Variants in ALS2CL observed in about 807,000 individuals in gnomAD.
ALS2CL encodes ALS2 C-terminal-like protein.
Under a neutral mutation model 127.9 loss-of-function variants are expected in ALS2CL, and 112 were observed. The ratio of observed to expected loss-of-function variants is 0.88; its 90% CI spans 0.75 to 1.02. ALS2CL has a LOEUF of 1.02. Ranked by LOEUF, ALS2CL falls within the 50% of genes least tolerant of loss-of-function variation. The pLI, the probability that ALS2CL is intolerant of heterozygous loss-of-function variation, is 0.00. For synonymous variants in ALS2CL, 519 were observed against 527.6 expected (o/e 0.98, Z 0.22); for missense variants, 1,174 against 1,236.7 (o/e 0.95, Z 0.76).
intron 17 of ALS2CL, 37 bp from the exon 18 acceptor site, chr3:46,676,775 G>C: frequency 6.2e-7 from 1 of 1,612,480 alleles, no homozygotes. Flanking sequence ...CCCACACCTC[G>C]GCCCAGCCCC....
Position 46,686,901 on chromosome 3 carries a change from A to G in ALS2CL, c.534+82T>C, listed in dbSNP as rs1375376045. 35 of 1,391,694 alleles carry G rather than the reference A, an allele frequency of 2.5e-5. No homozygotes were observed. The highest frequency in any genetic ancestry group is 3.1e-5 in the Non-Finnish European group (33 of 1,061,880). The allele number at this position is 1,391,694 out of a possible 1,614,324, so 86.2% of individuals were successfully genotyped here. Reference sequence around the variant, plus strand: ...AGTCCTTCTTGTACTAGGGTTCCTGAGTATAGGCTGAGCCCCCTGAGTCTG... The same window carrying G: ...AGTCCTTCTTGTACTAGGGTTCCTGGGTATAGGCTGAGCCCCCTGAGTCTG... On this transcript the variant is annotated intron_variant, in intron 5 of 25. Transcript: ENST00000318962. The surrounding 1 kb of genome is among the most constrained non-coding windows in gnomAD (Gnocchi z 4.3).
chr3:46,689,206 C>T, intron 2 of ALS2CL, 132 bp downstream of exon 2: 1 of 888,876 alleles, frequency 1.1e-6, no homozygotes, highest in Non-Finnish European at 1.8e-6. Context: ...TCAGAAGATG[C>T]TGATACCAGG....
intron 24 of ALS2CL, 126 bp from the exon 25 acceptor site, chr3:46,671,710 C>G: frequency 6.5e-7 from 1 of 1,549,434 alleles, no homozygotes; most frequent in Non-Finnish European, 8.7e-7. Context: ...CTCACTCTAC[C>G]TCTAGCACCC....
intron 8 of ALS2CL, 50 bp from the exon 9 acceptor site, chr3:46,683,898 G>C (rs776086295): frequency 2.4e-5 from 38 of 1,613,396 alleles, no homozygotes; most frequent in Non-Finnish European, 3.2e-5. Flanking sequence ...CAGGAGGGTG[G>C]AGGGGCCCAA....
At chr3:46,682,338 G>A (rs951270839) in intron 10 of ALS2CL, among the ~76,000 whole-genome samples, 3 of 152,146 alleles carry the variant, frequency 2.0e-5, no homozygotes, top group Non-Finnish European at 4.4e-5. Flanking sequence ...GGAAAGCCCT[G>A]GAGACATCTA....
intron 1 of ALS2CL, 126 bp from the exon 2 acceptor site, chr3:46,689,591 G>T: frequency 1.6e-6 from 1 of 626,078 alleles, no homozygotes; most frequent in Non-Finnish European, 2.7e-6. Context: ...AGTGAGCCCA[G>T]ATCGCCTCAA....
At position 46,683,131 on chromosome 3, in the gene ALS2CL, T is replaced by G; in HGVS notation, c.1108A>C (p.Lys370Gln). Reference protein sequence around the residue: ...GEWCRGRPHGKGTLKWPDGRN... With the variant: ...GEWCRGRPHGQGTLKWPDGRN... ...CCACCCAGAGCTCCAGCCACTCACT[T>G]GCCGTGGGGCCGGCCCCTGCACCAC... Residue 370 changes from lysine (K) to glutamine (Q), a missense_variant and splice_region_variant, in exon 10 of 26, where the codon AAG (lysine) becomes CAG (glutamine). By Grantham distance (53) the Lys-to-Gln change is moderately conservative. Coordinates refer to ENST00000318962, the MANE Select transcript of ALS2CL (RefSeq NM_147129.5). The G allele has an allele frequency of 6.4e-7, 1 of 1,557,762 alleles. No homozygotes were observed. The highest frequency in any genetic ancestry group is 8.7e-7 in the Non-Finnish European group (1 of 1,153,956).
intron 19 of ALS2CL, 114 bp from the exon 20 acceptor site, chr3:46,675,800 T>C: frequency 1.9e-6 from 3 of 1,555,740 alleles, no homozygotes; most frequent in Non-Finnish European, 2.6e-6. Flanking sequence ...GGACATGGCC[T>C]GCAGGGTTCA....
At chr3:46,683,652 C>G in intron 9 of ALS2CL, 130 bp downstream of exon 9, 1 of 1,173,758 alleles carries the variant, frequency 8.5e-7, no homozygotes, top group East Asian at 2.3e-5. Context: ...TTTACTCTGA[C>G]CAGGTCCCCA....
chr3:46,671,939 TGTA>T lies in ALS2CL; in HGVS notation c.2626_2628del (p.Tyr876del). ...GGCAGCAGGTCGTCCATGGGCAGCT[TGTA>T]CTCCCGGCCCAATACCCTCGACACC... On this transcript the variant is annotated inframe_deletion, in exon 24 of 26. Coordinates refer to ENST00000318962, the MANE Select transcript of ALS2CL (RefSeq NM_147129.5). The T allele has an allele frequency of 6.2e-7, 1 of 1,613,892 alleles. No individual in the cohort carries two copies. The highest frequency in any genetic ancestry group is 8.5e-7 in the Non-Finnish European group (1 of 1,179,978).
Position 46,670,939 on chromosome 3 carries a change from G to T in ALS2CL, c.*45C>A, listed in dbSNP as rs756823469. 1.1e-5 allele frequency: 17 copies of T among 1,570,206 alleles called. No homozygotes were observed. In the East Asian group the frequency reaches 3.4e-4, roughly 31 times the overall value. ...TGCCTTGGGTAATGAGGGACAGGCT[G>T]GCAGTGCCCTGCTCAGCTCTTCAGT... On this transcript the variant is annotated 3_prime_UTR_variant, in exon 26 of 26. Coordinates refer to ENST00000318962, the MANE Select transcript of ALS2CL (RefSeq NM_147129.5). The surrounding 1 kb of genome is among the most constrained non-coding windows in gnomAD (Gnocchi z 5.5).
intron 7 of ALS2CL, among the ~76,000 whole-genome samples, 185 bp downstream of exon 7, chr3:46,685,340 G>A (rs1264425158): frequency 6.6e-6 from 1 of 152,168 alleles, no homozygotes; most frequent in Non-Finnish European, 1.5e-5. Context: ...TTTCCCCTCA[G>A]CCCATGCTCC....
chr3:46,674,843 C>A, intron 20 of ALS2CL, 104 bp from the exon 21 acceptor site: 1 of 1,195,194 alleles, frequency 8.4e-7, no homozygotes, highest in African/African-American at 1.5e-5. Context: ...AAACAGTGTC[C>A]TGGCCTCCAG....
chr3:46,673,921 C>A (rs1698604696), intron 21 of ALS2CL, among the ~76,000 whole-genome samples: 1 of 152,184 alleles, frequency 6.6e-6, no homozygotes, highest in Admixed American at 6.5e-5. Flanking sequence ...GGAGCAGAGA[C>A]AGTGCCCGTG....
intron 24 of ALS2CL, 23 bp downstream of exon 24, chr3:46,671,861 C>A (rs79199647): frequency 0.058 from 92,968 of 1,612,456 alleles, 3,419 homozygotes; most frequent in South Asian, 0.12. Flanking sequence ...CTGCCCTGCA[C>A]CCCCAGCTCC....
rs532423710 is a variant in ALS2CL, at chr3:46,677,337, G to A, written c.1758-315C>T. 65 of 1,161,670 alleles carry A rather than the reference G, an allele frequency of 5.6e-5. No homozygotes were observed. The African/African-American group carries it at 9.8e-4, about 17-fold the overall frequency. 72.0% of individuals were successfully genotyped at this position (1,161,670 alleles called of 1,614,324 possible). ...AGAGAGGGGGTCTTGGTCCAAGAGA[G>A]ACCAGTGTCCAAAGTCTGGGATTCC... On this transcript the variant is annotated intron_variant, in intron 16 of 25. Coordinates refer to ENST00000318962, the MANE Select transcript of ALS2CL (RefSeq NM_147129.5).
chr3:46,675,946 G>A, intron 19 of ALS2CL: 3 of 1,425,160 alleles, frequency 2.1e-6, no homozygotes, highest in African/African-American at 2.9e-5. Flanking sequence ...TGGGACTGCA[G>A]GTGTGTTCCG....
chr3:46,687,806 G>T, intron 3 of ALS2CL, 122 bp from the exon 4 acceptor site: 2 of 1,066,646 alleles, frequency 1.9e-6, no homozygotes. Context: ...CCCACACAGT[G>T]GCCTGGCTCT....
rs769749697 is a variant in ALS2CL, at chr3:46,671,948, G to T, written c.2620C>A (p.Arg874=). The change falls in exon 24 of 26, where the codon CGG becomes AGG. Residue 874 remains arginine, a synonymous_variant. Transcript: ENST00000318962. Reference sequence around the variant, plus strand: ...TCGTCCATGGGCAGCTTGTACTCCCGGCCCAATACCCTCGACACCGTGCCC... The same window carrying T: ...TCGTCCATGGGCAGCTTGTACTCCCTGCCCAATACCCTCGACACCGTGCCC... ...IEGTVSRVLG[R]EYKLPMDDLL... 1 of 1,613,734 alleles carries T rather than the reference G, an allele frequency of 6.2e-7. No homozygotes were observed. Among genetic ancestry groups the T allele is most frequent in the African/African-American group, 1.3e-5 (1 of 74,842 alleles).
Sources: gnomAD v4.1 joint callset for allele counts (sites outside exome capture counted in the v4.1 genomes callset) on GRCh38, gnomAD v4.1.1 for gene constraint, Gnocchi (gnomAD v3.1) non-coding constraint, MANE v1.5 for transcripts, NCBI Gene and HGNC (gene_info 2026-07-23, HGNC 2026-07-21) for gene names.